FGF13: variants seen among roughly 807,000 people sequenced by gnomAD.
The protein encoded by FGF13 is fibroblast growth factor homologous factor 2.
In FGF13, 2 loss-of-function variants were observed where a neutral mutation model predicts 19.5. The observed-to-expected ratio is 0.10, with a 90% CI of 0.04 to 0.32. The LOEUF is 0.32. FGF13 is among the 10% of genes least tolerant of loss of function. The pLI is 1.00. For missense variants in FGF13, 113 were observed against 192.7 expected (o/e 0.59, Z 2.45); for synonymous variants, 72 against 76.9 (o/e 0.94, Z 0.33).
At chrX:138,703,808 G>T (rs2089969800) in intron 2 of FGF13, among the ~76,000 whole-genome samples, 1 of 112,166 alleles carries the variant, frequency 8.9e-6, no homozygotes, top group African/African-American at 3.2e-5. Flanking sequence ...TCCACCTCCT[G>T]GGTTCAAGTG....
At chrX:138,922,517 C>T (rs192647114) in intron 1 of FGF13, among the ~76,000 whole-genome samples, 379 of 111,549 alleles carry the variant, frequency 3.4e-3, no homozygotes, top group African/African-American at 0.012. Context: ...CTAAAAATGT[C>T]CATCTTCAGG....
intron 1 of FGF13, among the ~76,000 whole-genome samples, chrX:138,912,211 C>T (rs2124227380): frequency 8.9e-6 from 1 of 112,192 alleles, no homozygotes. Flanking sequence ...CCCAATCTGT[C>T]TTCCCCTTTA....
In FGF13 at chrX:138,833,622, T is replaced by A. The variant is rs1336449257; in HGVS notation, c.217+23890A>T. ...TGCTAACAGGGATAATTTGACTTCC[T>A]CTCCTCCTATGTGGAGGTGCTTTAT... On this transcript the variant is annotated intron_variant, in intron 3 of 6. Transcript: ENST00000436198. Among the ~76,000 whole-genome samples, 3 of 111,685 alleles carry A rather than the reference T, an allele frequency of 2.7e-5. No homozygotes were observed. The Admixed American group carries it at 2.9e-4, about 11-fold the overall frequency.
At position 139,138,637 on chromosome X, in the gene FGF13, A is replaced by T. The variant is rs185980605; in HGVS notation, c.-113+64779T>A. On this transcript the variant is annotated intron_variant, in intron 1 of 2. Coordinates refer to the FGF13 transcript ENST00000421460. ...CAGTACAGGGGAAACAACAGCATAG[A>T]CTGGGTACAGATCATGTACCCCAGG... Among the ~76,000 whole-genome samples, 27 of 111,655 alleles carry T rather than the reference A, an allele frequency of 2.4e-4. 1 individual carries two copies. The highest frequency in any genetic ancestry group is 8.8e-4 in the African/African-American group (27 of 30,736).
intron 1 of FGF13, among the ~76,000 whole-genome samples, chrX:139,120,790 G>A (rs1260774557): frequency 8.9e-6 from 1 of 112,885 alleles, no homozygotes; most frequent in African/African-American, 3.2e-5. Flanking sequence ...AGGCACTGTG[G>A]GCTGTGGGCC....
chrX:138,757,107 T>C (rs1180552099), intron 3 of FGF13, among the ~76,000 whole-genome samples: 1 of 110,925 alleles, frequency 9.0e-6, no homozygotes, highest in Non-Finnish European at 1.9e-5. Flanking sequence ...ACCCTGTCTG[T>C]GCACCTAGTA....
intron 1 of FGF13, among the ~76,000 whole-genome samples, chrX:139,169,956 A>G (rs2084116658): frequency 9.0e-6 from 1 of 111,195 alleles, no homozygotes; most frequent in Non-Finnish European, 1.9e-5. Context: ...GCTGAACTAC[A>G]AAGGGTTCAA....
At chrX:139,002,822 G>C (rs1413150582) in intron 1 of FGF13, among the ~76,000 whole-genome samples, 1 of 111,665 alleles carries the variant, frequency 9.0e-6, no homozygotes, top group Non-Finnish European at 1.9e-5. Flanking sequence ...AGTCCTGCCA[G>C]GACTTACCAT....
At chrX:139,121,397 G>C (rs1017051819) in intron 1 of FGF13, among the ~76,000 whole-genome samples, 4 of 110,710 alleles carry the variant, frequency 3.6e-5, no homozygotes, top group Non-Finnish European at 5.7e-5. Flanking sequence ...TTCTAGTCAT[G>C]TTTAATGGTA....
At chrX:138,659,643 G>T (rs1204566708) in intron 3 of FGF13, among the ~76,000 whole-genome samples, 1 of 111,877 alleles carries the variant, frequency 8.9e-6, no homozygotes, top group Non-Finnish European at 1.9e-5. Context: ...CAATAGCAAA[G>T]ACTTGGAACC....
At chrX:138,821,066 C>T (rs1418926399) in intron 3 of FGF13, among the ~76,000 whole-genome samples, 1 of 111,284 alleles carries the variant, frequency 9.0e-6, no homozygotes, top group Non-Finnish European at 1.9e-5. Context: ...TACCAAAATG[C>T]CTCAGGAATC....
intron 1 of FGF13, among the ~76,000 whole-genome samples, chrX:139,149,697 T>G (rs894324597): frequency 8.9e-6 from 1 of 112,195 alleles, no homozygotes; most frequent in Admixed American, 9.5e-5. Flanking sequence ...ATAGGTTACT[T>G]TTTCTATTAA....
At chrX:138,973,342 C>CA (rs2091926630) in intron 1 of FGF13, among the ~76,000 whole-genome samples, 1 of 111,931 alleles carries the variant, frequency 8.9e-6, no homozygotes, top group East Asian at 2.8e-4. Context: ...AATTTCATTC[C>CA]ATTGTGGTCA....
At chrX:139,078,369 T>C (rs2083346397) in intron 1 of FGF13, among the ~76,000 whole-genome samples, 1 of 111,035 alleles carries the variant, frequency 9.0e-6, no homozygotes, top group African/African-American at 3.3e-5. Flanking sequence ...TATGGTACCA[T>C]TGCACAGTGC....
chrX:138,936,197 A>G (rs2091730400), intron 1 of FGF13, among the ~76,000 whole-genome samples: 2 of 112,339 alleles, frequency 1.8e-5, no homozygotes, highest in Non-Finnish European at 3.8e-5. Flanking sequence ...AAGAGCCTAC[A>G]ATGTTCTACT....
chrX:138,860,373 C>T (rs1018708728), intron 2 of FGF13, among the ~76,000 whole-genome samples: 16 of 111,145 alleles, frequency 1.4e-4, no homozygotes, highest in African/African-American at 5.2e-4. Flanking sequence ...GGATGCAATG[C>T]GTCCATGGGG....
intron 1 of FGF13, among the ~76,000 whole-genome samples, chrX:138,737,180 C>T (rs1007466431): frequency 9.0e-6 from 1 of 111,146 alleles, no homozygotes; most frequent in African/African-American, 3.3e-5. Context: ...GATGTTCTTG[C>T]CTTGAGAGCT....
chrX:138,984,523 GGAAGAAGAAGAAGAAGAAGAAGAA>G (rs1209275314), intron 1 of FGF13, among the ~76,000 whole-genome samples: 7 of 31,590 alleles, frequency 2.2e-4, no homozygotes, highest in African/African-American at 8.6e-4. Context: ...AAGAAGAAGA[GGAAGAAGAAGAAGAAGAAGAAGAA>G]GAAGAAGAAG....
chrX:138,696,522 A>G (rs938438975), intron 3 of FGF13, among the ~76,000 whole-genome samples: 11 of 111,996 alleles, frequency 9.8e-5, no homozygotes, highest in African/African-American at 3.6e-4. Context: ...TTAAAAAAAG[A>G]AGGAGGTAAT....
Sources: gnomAD v4.1 joint callset for allele counts (sites outside exome capture counted in the v4.1 genomes callset) on GRCh38, gnomAD v4.1.1 for gene constraint, MANE v1.5 for transcripts, NCBI Gene and HGNC (gene_info 2026-07-23, HGNC 2026-07-21) for gene names.